The following PPM1H variants were observed in gnomAD, a reference collection of about 807,000 sequenced individuals.
PPM1H encodes the protein protein phosphatase, Mg2+/Mn2+ dependent 1H, also known as protein phosphatase 1H.
In PPM1H, 27 loss-of-function variants were observed where a neutral mutation model predicts 54.9. The observed-to-expected ratio is 0.49, with a 90% CI of 0.36 to 0.68. The LOEUF (loss-of-function observed/expected upper bound fraction) is 0.68, where lower values mean the gene tolerates loss of function less well. Among genes scored for constraint, PPM1H ranks in the 30% least tolerant of loss-of-function variants. The pLI, the probability that PPM1H is intolerant of heterozygous loss-of-function variation, is 0.00. For synonymous variants in PPM1H, 305 were observed against 270.8 expected (o/e 1.13, Z -1.24); for missense variants, 596 against 667.8 (o/e 0.89, Z 1.19).
intron 6 of PPM1H, among the ~76,000 whole-genome samples, chr12:62,700,362 T>C (rs186809330): frequency 8.3e-4 from 127 of 152,264 alleles, no homozygotes; most frequent in Non-Finnish European, 1.2e-3. Context: ...TCAGGCCAGT[T>C]TCTCTCCTTG....
intron 1 of PPM1H, among the ~76,000 whole-genome samples, chr12:62,891,414 A>C (rs1870793030): frequency 6.6e-6 from 1 of 152,230 alleles, no homozygotes; most frequent in African/African-American, 2.4e-5. Flanking sequence ...TTATTGAAGA[A>C]GCTTTTAGAT....
intron 2 of PPM1H, among the ~76,000 whole-genome samples, chr12:62,827,066 T>C (rs575301995): frequency 1.3e-5 from 2 of 152,344 alleles, no homozygotes; most frequent in East Asian, 3.9e-4. Context: ...GCTGCAACTA[T>C]AATTTTCAAT....
chr12:62,875,780 C>T (rs1565816584), intron 1 of PPM1H, among the ~76,000 whole-genome samples: 2 of 152,176 alleles, frequency 1.3e-5, no homozygotes, highest in African/African-American at 4.8e-5. Context: ...TTTTATGCTT[C>T]TTTTCAACAA....
chr12:62,774,389 T>G lies in PPM1H; in HGVS notation c.869+13837A>C, dbSNP rs548263137. 9.2e-5 allele frequency among the ~76,000 whole-genome samples: 14 copies of G among 152,302 alleles called. No individual in the cohort carries two copies. The East Asian group carries it at 2.7e-3, about 29-fold the overall frequency. On this transcript the variant is annotated intron_variant, in intron 4 of 9. Coordinates refer to ENST00000228705, the MANE Select transcript of PPM1H (RefSeq NM_020700.2). Reference sequence around the variant, plus strand: ...CTTTTTTGAGATATTTTTGTCAGGCTGGAGTGCAGTGGCGTGATCAAGGTT... The same window carrying G: ...CTTTTTTGAGATATTTTTGTCAGGCGGGAGTGCAGTGGCGTGATCAAGGTT...
intron 9 of PPM1H, among the ~76,000 whole-genome samples, chr12:62,661,550 C>T (rs2075883706): frequency 6.6e-6 from 1 of 152,144 alleles, no homozygotes; most frequent in Admixed American, 6.5e-5. Context: ...ACAGGTGCCA[C>T]CATGCCCAGC....
chr12:62,762,630 T>C (rs2076516474), intron 4 of PPM1H, among the ~76,000 whole-genome samples: 1 of 152,214 alleles, frequency 6.6e-6, no homozygotes, highest in Non-Finnish European at 1.5e-5. Flanking sequence ...ACAATCTGCA[T>C]CCTTTTTACA....
intron 3 of PPM1H, among the ~76,000 whole-genome samples, chr12:62,792,501 C>G (rs537469801): frequency 6.6e-6 from 1 of 152,334 alleles, no homozygotes; most frequent in East Asian, 1.9e-4. Flanking sequence ...TTCCCTCCCC[C>G]ACATTTGTGT....
At chr12:62,884,721 C>G (rs565781287) in intron 1 of PPM1H, among the ~76,000 whole-genome samples, 46 of 152,188 alleles carry the variant, frequency 3.0e-4, no homozygotes, top group African/African-American at 8.9e-4. Flanking sequence ...TACTAGGTAA[C>G]AATTTACACA....
rs186712340 is a variant in PPM1H, at chr12:62,839,434, C to T, written c.246-7155G>A. Among the ~76,000 whole-genome samples, 64 of 152,192 alleles carry T rather than the reference C, an allele frequency of 4.2e-4. No homozygotes were observed. In the East Asian group the frequency reaches 0.011, roughly 27 times the overall value. On this transcript the variant is annotated intron_variant, in intron 1 of 9. Coordinates refer to ENST00000228705, the MANE Select transcript of PPM1H (RefSeq NM_020700.2). ...TATTTACATTAAAATCTTAATTTTC[C>T]AATTTCTTTTGAAAATTAATACATC...
chr12:62,725,365 A>G (rs1592564601), intron 5 of PPM1H, among the ~76,000 whole-genome samples: 1 of 152,328 alleles, frequency 6.6e-6, no homozygotes, highest in East Asian at 1.9e-4. Flanking sequence ...TCTCCCCTGA[A>G]GCAGGTCACA....
intron 8 of PPM1H, among the ~76,000 whole-genome samples, chr12:62,687,941 G>A (rs1206762944): frequency 6.6e-6 from 1 of 151,056 alleles, no homozygotes; most frequent in Admixed American, 6.6e-5. Context: ...TCTGGGAGGT[G>A]GAGGGTGCAG....
chr12:62,648,461 T>G lies in PPM1H; in HGVS notation c.*28A>C. On this transcript the variant is annotated 3_prime_UTR_variant, in exon 10 of 10. Transcript: ENST00000228705. ...AAGAGGCATCCCAGCTTTCTTCCCC[T>G]CTGTCCTCCCAATCCCCTGGGCCAT... 1 of 1,612,410 alleles carries G rather than the reference T, an allele frequency of 6.2e-7. No individual in the cohort carries two copies. Among genetic ancestry groups the G allele is most frequent in the Non-Finnish European group, 8.5e-7 (1 of 1,178,790 alleles).
At chr12:62,799,295 G>A (rs1213647930) in intron 3 of PPM1H, among the ~76,000 whole-genome samples, 1 of 152,204 alleles carries the variant, frequency 6.6e-6, no homozygotes, top group Non-Finnish European at 1.5e-5. Context: ...CCCCTGTGGA[G>A]TCCTGAGTCA....
intron 1 of PPM1H, among the ~76,000 whole-genome samples, chr12:62,920,508 G>T (rs1356381607): frequency 2.1e-5 from 3 of 142,658 alleles, no homozygotes; most frequent in Non-Finnish European, 4.5e-5. Flanking sequence ...TTTTTGTGGA[G>T]ACTGGGTCTT....
At chr12:62,797,547 A>C (rs1221210798) in intron 3 of PPM1H, among the ~76,000 whole-genome samples, 1 of 152,246 alleles carries the variant, frequency 6.6e-6, no homozygotes, top group Non-Finnish European at 1.5e-5. Flanking sequence ...GTCCTGCTAT[A>C]GACAGCTGTG....
rs372964269 is a variant in PPM1H, at chr12:62,739,939, CCT to C, written c.870-2355_870-2354del. 3.7e-3 allele frequency among the ~76,000 whole-genome samples: 556 copies of C among 152,292 alleles called. 4 individuals are homozygous for C. The highest frequency in any genetic ancestry group is 0.012 in the African/African-American group (519 of 41,552). On this transcript the variant is annotated intron_variant, in intron 4 of 9. Transcript: ENST00000228705. ...TCCTCTTCTCTTCCTGACCGGAGCT[CCT>C]CTCTGTCACTTCCCACACCTCGGGG...
chr12:62,676,610 CTGAGCCTGGTCACTGTCG>C (rs2075988081), intron 8 of PPM1H, among the ~76,000 whole-genome samples: 1 of 152,162 alleles, frequency 6.6e-6, no homozygotes, highest in Non-Finnish European at 1.5e-5. Flanking sequence ...AAAGTTGTCG[CTGAGCCTGGTCACTGTCG>C]TGACCCGGCT....
At chr12:62,920,353 G>T (rs569210987) in intron 1 of PPM1H, among the ~76,000 whole-genome samples, 22 of 152,112 alleles carry the variant, frequency 1.4e-4, no homozygotes, top group Admixed American at 5.2e-4. Context: ...TTGAGACAGG[G>T]TCTCACTCTG....
intron 2 of PPM1H, among the ~76,000 whole-genome samples, chr12:62,816,670 T>TA (rs2076868323): frequency 6.6e-6 from 1 of 151,900 alleles, no homozygotes; most frequent in Admixed American, 6.6e-5. Context: ...AATAAATTAA[T>TA]ACCAGCAAGG....
Sources: gnomAD v4.1 joint callset for allele counts (sites outside exome capture counted in the v4.1 genomes callset) on GRCh38, gnomAD v4.1.1 for gene constraint, MANE v1.5 for transcripts, NCBI Gene and HGNC (gene_info 2026-07-23, HGNC 2026-07-21) for gene names.